The following POLR3D variants were observed in gnomAD, a reference collection of about 807,000 sequenced individuals.
POLR3D encodes the protein DNA-directed RNA polymerase III subunit RPC4.
POLR3D carries 42 observed loss-of-function variants against 44.5 expected under a neutral mutation model. The ratio of observed to expected loss-of-function variants is 0.94; its 90% CI spans 0.74 to 1.22. The LOEUF (loss-of-function observed/expected upper bound fraction) is 1.22. Ranked by LOEUF, POLR3D falls within the 50% of genes most tolerant of loss-of-function variation. The probability of loss-of-function intolerance (pLI) is 0.00; values close to 1 mark genes in which losing one functional copy is unlikely to be tolerated. For missense variants in POLR3D, 507 were observed against 505.2 expected (o/e 1.00, Z -0.03); for synonymous variants, 217 against 198.1 (o/e 1.10, Z -0.80).
chr8:22,245,485 G>T lies in POLR3D; in HGVS notation c.36G>T (p.Thr12=), dbSNP rs898454766. Residue 12 remains threonine, a synonymous_variant, in exon 2 of 9, where the codon ACG becomes ACT. Transcript: ENST00000306433. ...GAAACGCCGCCGGCGAGCCCAGCAC[G>T]CCGGGAGGGCCCCGACCTCTCCTGA... ...SEGNAAGEPS[T]PGGPRPLLTG... is the part of the protein sequence containing the mutation. 1.5e-6 allele frequency: 2 copies of T among 1,306,782 alleles called. No individual in the cohort carries two copies. The highest frequency in any genetic ancestry group is 2.0e-6 in the Non-Finnish European group (2 of 1,020,006). The allele number at this position is 1,306,782 out of a possible 1,614,324, so 80.9% of individuals were successfully genotyped here.
intron 2 of POLR3D, among the ~76,000 whole-genome samples, chr8:22,246,174 C>T (rs1034459501): frequency 6.6e-6 from 1 of 152,236 alleles, no homozygotes; most frequent in Non-Finnish European, 1.5e-5. Flanking sequence ...GTCCCCCAGG[C>T]TGGAGTGCAA....
intron 2 of POLR3D, among the ~76,000 whole-genome samples, chr8:22,245,817 G>A (rs1339864138): frequency 6.6e-6 from 1 of 152,202 alleles, no homozygotes; most frequent in Admixed American, 6.5e-5. Flanking sequence ...CCCAGAGGTG[G>A]TTGAAGGGCA....
rs1398909887 is a variant in POLR3D, at chr8:22,247,876, G to C, written c.229G>C (p.Val77Leu). 1 of 1,613,866 alleles carries C rather than the reference G, an allele frequency of 6.2e-7. No individual in the cohort carries two copies. Among genetic ancestry groups the C allele is most frequent in the Non-Finnish European group, 8.5e-7 (1 of 1,179,990 alleles). Residue 77 changes from valine (V) to leucine (L), a missense_variant, in exon 4 of 9, where the codon GTC becomes CTC. Transcript: ENST00000306433. ...IKEEPKEEVT[V>L]KKEKRERDRD... ...TTCCAGGCCCAAGGAAGAAGTAACT[G>C]TCAAGAAGGAGAAGCGTGAAAGGGA...
At position 22,247,204 on chromosome 8, in the gene POLR3D, C is replaced by T; in HGVS notation, c.166-17C>T. The T allele has an allele frequency of 6.2e-7, 1 of 1,606,200 alleles. No individual in the cohort carries two copies. Among genetic ancestry groups the T allele is most frequent in the South Asian group, 1.1e-5 (1 of 90,772 alleles). On this transcript the variant is annotated splice_polypyrimidine_tract_variant and intron_variant, in intron 2 of 8. Coordinates refer to ENST00000306433, the MANE Select transcript of POLR3D (RefSeq NM_001722.3). ...TCAGAACCTAACACATCAGTGACTC[C>T]TGTATTTTGCTTTCAGAAAACCTTC... is the stretch of plus-strand genomic sequence containing the variant.
Position 22,245,543 on chromosome 8 carries a change from G to C in POLR3D, c.94G>C (p.Ala32Pro). 7.9e-7 allele frequency: 1 copy of C among 1,265,094 alleles called. No individual in the cohort carries two copies. 78.4% of individuals were successfully genotyped at this position (1,265,094 alleles called of 1,614,324 possible). Residue 32 changes from alanine (A) to proline (P), a missense_variant, in exon 2 of 9, where the codon GCG becomes CCG. By Grantham distance (27) the Ala-to-Pro change is conservative. Coordinates refer to ENST00000306433, the MANE Select transcript of POLR3D (RefSeq NM_001722.3). ...GARGLIGRRP[A>P]PPLTPGRLPS... ...CCGGGGGCTCATCGGGCGGCGGCCG[G>C]CGCCTCCCCTCACCCCCGGCCGCCT...
At chr8:22,248,673 T>C in intron 6 of POLR3D, 24 bp downstream of exon 6, 1 of 1,599,612 alleles carries the variant, frequency 6.3e-7, no homozygotes, top group Non-Finnish European at 8.5e-7. Flanking sequence ...TAACTTCTCA[T>C]CTCCAATTCC....
intron 3 of POLR3D, 56 bp downstream of exon 3, chr8:22,247,320 G>T: frequency 1.2e-5 from 17 of 1,363,724 alleles, no homozygotes; most frequent in Non-Finnish European, 1.7e-5. Flanking sequence ...CTGAATTTGG[G>T]GCTTTGGGGG....
rs1830115308 is a variant in POLR3D, at chr8:22,252,741, C to A, written c.*2223C>A. 6.6e-6 allele frequency: 1 copy of A among 152,180 alleles called. No individual in the cohort carries two copies. The highest frequency in any genetic ancestry group is 6.6e-5 in the Admixed American group (1 of 15,264). 9.4% of individuals were successfully genotyped at this position (152,180 alleles called of 1,614,324 possible). On this transcript the variant is annotated 3_prime_UTR_variant, in exon 9 of 9. Transcript: ENST00000306433. ...AGTGCAAGTGGATGCAAATTTGTTG[C>A]TCCCTGCATCTGTGTATATGCTTTC...
At chr8:22,248,097 C>T (rs1450577900) in intron 4 of POLR3D, 57 bp from the exon 5 acceptor site, 1 of 1,608,568 alleles carries the variant, frequency 6.2e-7, no homozygotes, top group East Asian at 2.2e-5. Context: ...TTTCCGTTTT[C>T]CTTGCTGTTG....
At chr8:22,249,413 A>G (rs1013947457) in intron 7 of POLR3D, 104 bp downstream of exon 7, 13 of 1,264,822 alleles carry the variant, frequency 1.0e-5, no homozygotes, top group African/African-American at 2.9e-5. Context: ...GAAATGGGAC[A>G]ATAATGGGTG....
At chr8:22,249,936 A>G in intron 7 of POLR3D, 139 bp from the exon 8 acceptor site, 2 of 795,618 alleles carry the variant, frequency 2.5e-6, no homozygotes, top group Non-Finnish European at 4.0e-6. Flanking sequence ...ACCATAGCAG[A>G]CAGCCCTAGG....
chr8:22,248,954 A>C (rs1163784379), intron 6 of POLR3D, 90 bp from the exon 7 acceptor site: 2 of 1,421,990 alleles, frequency 1.4e-6, no homozygotes, highest in East Asian at 2.3e-5. Context: ...GCTGAGTGAC[A>C]GTGGAGCAGA....
chr8:22,248,236 C>T lies in POLR3D; in HGVS notation c.444C>T (p.Asp148=), dbSNP rs200505471. The T allele has an allele frequency of 2.2e-5, 36 of 1,614,088 alleles. No individual in the cohort carries two copies. Among genetic ancestry groups the T allele is most frequent in the East Asian group, 2.0e-4 (9 of 44,888 alleles). ...INIKKEKRET[D]EETKQILRML... ...TCAAAAAAGAGAAGAGAGAGACAGA[C>T]GAAGAAACTAAACAGATCTTGCGTA... The change falls in exon 5 of 9, where the codon GAC becomes GAT. Residue 148 remains aspartate (D), a synonymous_variant. Transcript: ENST00000306433.
chr8:22,250,459 A>C lies in POLR3D; in HGVS notation c.1138A>C (p.Lys380Gln). The C allele has an allele frequency of 6.2e-7, 1 of 1,614,168 alleles. No individual in the cohort carries two copies. The highest frequency in any genetic ancestry group is 8.5e-7 in the Non-Finnish European group (1 of 1,180,014). Residue 380 changes from lysine to glutamine, a missense_variant, in exon 9 of 9, where the codon AAG becomes CAG. Physicochemically the swap from Lys to Gln is moderately conservative, Grantham distance 53. Coordinates refer to ENST00000306433, the MANE Select transcript of POLR3D (RefSeq NM_001722.3). The part of the protein sequence containing the change: ...TGEMTVLGHV[K>Q]HKLVCSPDFE... ...GGAGATGACAGTCCTGGGACACGTG[A>C]AGCACAAACTTGTATGTTCCCCTGA...
chr8:22,252,665 G>A lies in POLR3D; in HGVS notation c.*2147G>A, dbSNP rs947879924. 6.6e-6 allele frequency: 1 copy of A among 152,192 alleles called. No individual in the cohort carries two copies. The highest frequency in any genetic ancestry group is 1.5e-5 in the Non-Finnish European group (1 of 68,036). 9.4% of individuals were successfully genotyped at this position (152,192 alleles called of 1,614,324 possible). A position where few individuals can be genotyped will look rare whatever the true frequency, so the allele number is the denominator to read the frequency against. ...CCCTGAGGCATGCATTTCTACCAAG[G>A]AATATGGACAGATGACAGAGGAGAA... On this transcript the variant is annotated 3_prime_UTR_variant, in exon 9 of 9. Coordinates refer to ENST00000306433, the MANE Select transcript of POLR3D (RefSeq NM_001722.3).
chr8:22,250,442 C>T lies in POLR3D; in HGVS notation c.1121C>T (p.Thr374Ile), dbSNP rs1380887196. Residue 374 changes from threonine to isoleucine, a missense_variant, in exon 9 of 9, where the codon ACA becomes ATA. Coordinates refer to ENST00000306433, the MANE Select transcript of POLR3D (RefSeq NM_001722.3). The stretch of plus-strand genomic sequence containing the variant: ...GGAGACAGTAGGACAGGGGAGATGA[C>T]AGTCCTGGGACACGTGAAGCACAAA... The part of the protein sequence containing the change: ...GLGDSRTGEM[T>I]VLGHVKHKLV... 1.2e-6 allele frequency: 2 copies of T among 1,614,174 alleles called. No homozygotes were observed. The highest frequency in any genetic ancestry group is 1.7e-6 in the Non-Finnish European group (2 of 1,180,004).
At position 22,250,072 on chromosome 8, in the gene POLR3D, C is replaced by G; in HGVS notation, c.922-3C>G. ...AGTGTCCATCCTCTGGTTTTCTCCG[C>G]AGGAAGCCAAATTGGCAGAGAATGC... On this transcript the variant is annotated splice_region_variant and splice_polypyrimidine_tract_variant and intron_variant, in intron 7 of 8. Transcript: ENST00000306433. The G allele has an allele frequency of 1.9e-6, 3 of 1,614,020 alleles. No individual in the cohort carries two copies. The highest frequency in any genetic ancestry group is 2.5e-6 in the Non-Finnish European group (3 of 1,179,982).
Position 22,250,480 on chromosome 8 carries a change from C to A in POLR3D, c.1159C>A (p.Pro387Thr). 6.2e-7 allele frequency: 1 copy of A among 1,614,140 alleles called. No homozygotes were observed. The highest frequency in any genetic ancestry group is 8.5e-7 in the Non-Finnish European group (1 of 1,180,026). The part of the protein sequence containing the change: ...GHVKHKLVCS[P>T]DFESLLDHKH... ...CGTGAAGCACAAACTTGTATGTTCC[C>A]CTGATTTTGAATCCCTCTTGGATCA... is the stretch of plus-strand genomic sequence containing the variant. The change falls in exon 9 of 9, where the codon CCT becomes ACT. Residue 387 changes from proline (P) to threonine (T), a missense_variant. Pro to Thr is a conservative substitution (Grantham distance 38, BLOSUM62 -1). Transcript: ENST00000306433.
intron 3 of POLR3D, 46 bp downstream of exon 3, chr8:22,247,310 C>CT (rs1206199791): frequency 6.7e-7 from 1 of 1,486,706 alleles, no homozygotes; most frequent in East Asian, 2.3e-5. Flanking sequence ...TTTACTTGCT[C>CT]TGAATTTGGG....
Sources: gnomAD v4.1 joint callset for allele counts (sites outside exome capture counted in the v4.1 genomes callset) on GRCh38, gnomAD v4.1.1 for gene constraint, MANE v1.5 for transcripts, NCBI Gene and HGNC (gene_info 2026-07-23, HGNC 2026-07-21) for gene names.